Variants in RHEB observed in about 807,000 individuals in gnomAD.
RHEB encodes the protein Ras homolog, mTORC1 binding.
In RHEB, 2 loss-of-function variants were observed where a neutral mutation model predicts 28.8. That is an observed-to-expected ratio of 0.07 (90% CI 0.03 to 0.22). The LOEUF is 0.22. Among genes scored for constraint, RHEB ranks in the 10% least tolerant of loss-of-function variants. RHEB has a pLI of 1.00. For missense variants in RHEB, 76 were observed against 219.9 expected (o/e 0.35, Z 4.14); for synonymous variants, 69 against 77.3 (o/e 0.89, Z 0.56).
chr7:151,484,602 C>T, intron 3 of RHEB, 135 bp downstream of exon 3: 1 of 634,626 alleles, frequency 1.6e-6, no homozygotes, highest in Non-Finnish European at 2.8e-6. Flanking sequence ...GCAAGCCAAA[C>T]CATTGGGAGT....
At chr7:151,469,942 G>A (rs979246531) in intron 7 of RHEB, among the ~76,000 whole-genome samples, 7 of 152,268 alleles carry the variant, frequency 4.6e-5, no homozygotes, top group Non-Finnish European at 7.4e-5. Context: ...CAAAAAAAAT[G>A]TATAGGTGAA....
At chr7:151,470,761 A>G in intron 6 of RHEB, 109 bp from the exon 7 acceptor site, 1 of 704,902 alleles carries the variant, frequency 1.4e-6, no homozygotes, top group Non-Finnish European at 2.4e-6. Context: ...TTTCTCATGA[A>G]GCAGAACCAT....
chr7:151,487,664 G>C (rs1265127983), intron 2 of RHEB, among the ~76,000 whole-genome samples: 1 of 152,060 alleles, frequency 6.6e-6, no homozygotes, highest in African/African-American at 2.4e-5. Flanking sequence ...ATAGAAAAAA[G>C]GGAGGTATAA....
chr7:151,513,311 A>C (rs1262164906), intron 1 of RHEB, among the ~76,000 whole-genome samples: 1 of 152,242 alleles, frequency 6.6e-6, no homozygotes, highest in African/African-American at 2.4e-5. Context: ...TAGCTGGCAG[A>C]CATTTTCTTG....
At chr7:151,504,780 G>A (rs776444397) in intron 1 of RHEB, among the ~76,000 whole-genome samples, 2 of 152,052 alleles carry the variant, frequency 1.3e-5, no homozygotes, top group Admixed American at 6.5e-5. Flanking sequence ...ACAGGCACAG[G>A]GCGCTTTTTG....
chr7:151,481,163 C>A (rs559002983), intron 3 of RHEB, among the ~76,000 whole-genome samples: 1 of 151,456 alleles, frequency 6.6e-6, no homozygotes, highest in Admixed American at 6.6e-5. Context: ...ACATTCTTAC[C>A]CCAAAATTCA....
In RHEB at chr7:151,505,489, C is replaced by T. The variant is rs372911654; in HGVS notation, c.52+13971G>A. 5.9e-5 allele frequency among the ~76,000 whole-genome samples: 9 copies of T among 152,216 alleles called. No individual in the cohort carries two copies. The South Asian group carries it at 8.3e-4, about 14-fold the overall frequency. ...AGAATAGCTAGAAAGTTAGAAAGGC[C>T]GCCAATACCAAGTATCAGGGAGGAT... On this transcript the variant is annotated intron_variant, in intron 1 of 7. Transcript: ENST00000262187.
chr7:151,481,596 C>T (rs73476500), intron 3 of RHEB, among the ~76,000 whole-genome samples: 2,446 of 152,292 alleles, frequency 0.016, 68 homozygotes, highest in African/African-American at 0.055. Context: ...GGTGAAACCA[C>T]GGCAGGACAT....
intron 1 of RHEB, among the ~76,000 whole-genome samples, chr7:151,507,677 G>T (rs573788985): frequency 6.6e-6 from 1 of 151,666 alleles, no homozygotes; most frequent in East Asian, 1.9e-4. Context: ...ATAGATGCTG[G>T]GAGATTTTAA....
At position 151,468,810 on chromosome 7, in the gene RHEB, G is replaced by A. The variant is rs966539642; in HGVS notation, c.463-1599C>T. On this transcript the variant is annotated intron_variant, in intron 7 of 7. Coordinates refer to ENST00000262187, the MANE Select transcript of RHEB (RefSeq NM_005614.4). This position sits in a 1 kb window ranked among gnomAD's most constrained non-coding sequence, Gnocchi z 4.3. ...CCCCGCTTGTCTAATCTAGGTCACCGGCTTCAGATCACCTGATTGACAGGA... is the reference window on the plus strand; with the variant it reads ...CCCCGCTTGTCTAATCTAGGTCACCAGCTTCAGATCACCTGATTGACAGGA... Among the ~76,000 whole-genome samples, 3 of 152,228 alleles carry A rather than the reference G, an allele frequency of 2.0e-5. No homozygotes were observed. The highest frequency in any genetic ancestry group is 1.9e-4 in the East Asian group (1 of 5,186).
chr7:151,479,650 T>C (rs1184224142), intron 3 of RHEB, among the ~76,000 whole-genome samples: 2 of 134,770 alleles, frequency 1.5e-5, no homozygotes, highest in East Asian at 4.4e-4. Context: ...GCCACAGCAC[T>C]CCAGCCTGGG....
intron 1 of RHEB, chr7:151,502,228 CAAAAAAAAAA>C: frequency 3.0e-6 from 1 of 331,530 alleles, no homozygotes; most frequent in Non-Finnish European, 5.2e-6. Flanking sequence ...AGAGCTGTCT[CAAAAAAAAAA>C]AAAAAAAAAG....
At chr7:151,479,434 G>A (rs571495454) in intron 3 of RHEB, among the ~76,000 whole-genome samples, 11 of 152,276 alleles carry the variant, frequency 7.2e-5, no homozygotes, top group Admixed American at 3.9e-4. Context: ...TGTAATCCCA[G>A]CACTTTGGGA....
intron 1 of RHEB, among the ~76,000 whole-genome samples, chr7:151,500,347 CA>C (rs1802752147): frequency 6.6e-6 from 1 of 151,860 alleles, no homozygotes; most frequent in Non-Finnish European, 1.5e-5. Context: ...TAAGAAGAAA[CA>C]AAGTATGTAC....
Position 151,499,435 on chromosome 7 carries a change from T to C in RHEB, c.53-8421A>G, listed in dbSNP as rs1584861986. On this transcript the variant is annotated intron_variant, in intron 1 of 7. Coordinates refer to ENST00000262187, the MANE Select transcript of RHEB (RefSeq NM_005614.4). Reference sequence around the variant, plus strand: ...AGAAACAGGAGAGTGGGTAAAGGTTTAGGATTTAAACTCATGACTGTGGTG... The same window carrying C: ...AGAAACAGGAGAGTGGGTAAAGGTTCAGGATTTAAACTCATGACTGTGGTG... Among the ~76,000 whole-genome samples the C allele has an allele frequency of 5.9e-5, 9 of 152,300 alleles. No individual in the cohort carries two copies. In the South Asian group the frequency reaches 1.9e-3, roughly 32 times the overall value.
At chr7:151,474,692 C>T (rs936149798) in intron 4 of RHEB, among the ~76,000 whole-genome samples, 4 of 152,064 alleles carry the variant, frequency 2.6e-5, no homozygotes, top group African/African-American at 4.8e-5. Context: ...GATGTATTTT[C>T]GCTTTATTTA....
At chr7:151,494,174 G>A (rs1231293229) in intron 1 of RHEB, among the ~76,000 whole-genome samples, 1 of 152,146 alleles carries the variant, frequency 6.6e-6, no homozygotes, top group East Asian at 1.9e-4. Flanking sequence ...AAAGATTTTT[G>A]CAACATTTTG....
intron 1 of RHEB, among the ~76,000 whole-genome samples, chr7:151,507,603 C>T (rs909561566): frequency 1.7e-4 from 26 of 152,178 alleles, no homozygotes; most frequent in African/African-American, 6.0e-4. Flanking sequence ...CTCGCTTGTT[C>T]CTGTGAGCTA....
At chr7:151,509,449 T>C (rs1802945689) in intron 1 of RHEB, among the ~76,000 whole-genome samples, 1 of 152,244 alleles carries the variant, frequency 6.6e-6, no homozygotes, top group South Asian at 2.1e-4. Flanking sequence ...TTTTAGCCAA[T>C]GGCAACATGA....
Sources: gnomAD v4.1 joint callset for allele counts (sites outside exome capture counted in the v4.1 genomes callset) on GRCh38, gnomAD v4.1.1 for gene constraint, Gnocchi (gnomAD v3.1) non-coding constraint, MANE v1.5 for transcripts, NCBI Gene and HGNC (gene_info 2026-07-23, HGNC 2026-07-21) for gene names.